The following MACROD2 variants were observed in gnomAD, a reference collection of about 807,000 sequenced individuals.
The protein encoded by MACROD2 is ADP-ribose glycohydrolase MACROD2.
Under a neutral mutation model 70.4 loss-of-function variants are expected in MACROD2, and 36 were observed. The observed-to-expected ratio is 0.51, with a 90% CI of 0.39 to 0.68. MACROD2 has a LOEUF of 0.68. MACROD2 is among the 30% of genes least tolerant of loss of function. MACROD2 has a pLI of 0.00. For missense variants in MACROD2, 496 were observed against 538.4 expected, an observed-to-expected ratio of 0.92 and a Z score of 0.78; for synonymous variants, 172 against 178.8, an observed-to-expected ratio of 0.96 and a Z score of 0.30.
chr20:15,933,605 C>T (rs1288157228), intron 11 of MACROD2, among the ~76,000 whole-genome samples: 4 of 152,000 alleles, frequency 2.6e-5, no homozygotes, highest in Non-Finnish European at 4.4e-5. Context: ...GAGGGACGGG[C>T]GGAGGTTGAA....
intron 8 of MACROD2, among the ~76,000 whole-genome samples, chr20:15,610,593 T>C (rs1471845188): frequency 1.3e-5 from 2 of 152,168 alleles, no homozygotes; most frequent in Middle Eastern, 3.2e-3. Flanking sequence ...CATAATAACA[T>C]CTGCAAAGGC....
intron 7 of MACROD2, among the ~76,000 whole-genome samples, chr20:15,499,121 T>C (rs2047333920): frequency 2.0e-5 from 3 of 152,226 alleles, no homozygotes; most frequent in Admixed American, 2.0e-4. Flanking sequence ...TGAATGTGTT[T>C]TGGAGACTCT....
In MACROD2 at chr20:15,728,495, C is replaced by T. The variant is rs142982877; in HGVS notation, c.646-134250C>T. Reference sequence around the variant, plus strand: ...AATGGTACAAGCTCTTCTTTATACACTTGGTAGAATTGTCTGTGAATTTGT... The same window carrying T: ...AATGGTACAAGCTCTTCTTTATACATTTGGTAGAATTGTCTGTGAATTTGT... On this transcript the variant is annotated intron_variant, in intron 8 of 17. Transcript: ENST00000684519. Among the ~76,000 whole-genome samples the T allele has an allele frequency of 7.0e-4, 106 of 152,194 alleles. 1 individual carries two copies. In the East Asian group the frequency reaches 0.02, roughly 28 times the overall value.
chr20:14,711,268 T>C (rs968405441), intron 5 of MACROD2, among the ~76,000 whole-genome samples: 1 of 152,170 alleles, frequency 6.6e-6, no homozygotes, highest in Non-Finnish European at 1.5e-5. Context: ...AGAATCCTTT[T>C]GAAGTCAATT....
At chr20:14,719,717 A>C (rs540909261) in intron 5 of MACROD2, among the ~76,000 whole-genome samples, 1 of 152,206 alleles carries the variant, frequency 6.6e-6, no homozygotes, top group Admixed American at 6.5e-5. Context: ...TGTCTAAGAA[A>C]GCAAGATCTG....
chr20:14,867,134 C>G (rs570344644), intron 5 of MACROD2, among the ~76,000 whole-genome samples: 5 of 152,164 alleles, frequency 3.3e-5, no homozygotes, highest in African/African-American at 1.2e-4. Flanking sequence ...AAGCCCCATT[C>G]TACTTCTAAG....
At chr20:14,269,702 C>CT in intron 3 of MACROD2, among the ~76,000 whole-genome samples, 1 of 151,986 alleles carries the variant, frequency 6.6e-6, no homozygotes, top group Non-Finnish European at 1.5e-5. Flanking sequence ...GCATGGTTTA[C>CT]TGGATAAAAT....
At chr20:14,781,428 A>C (rs1398067367) in intron 5 of MACROD2, among the ~76,000 whole-genome samples, 3 of 148,276 alleles carry the variant, frequency 2.0e-5, no homozygotes, top group Non-Finnish European at 4.5e-5. Context: ...CCTGATGTTT[A>C]CTCTCATGTC....
chr20:15,443,746 T>C (rs2046526088), intron 7 of MACROD2, among the ~76,000 whole-genome samples: 1 of 152,138 alleles, frequency 6.6e-6, no homozygotes, highest in African/African-American at 2.4e-5. Flanking sequence ...AAATATCTGT[T>C]TCATGGCTAA....
intron 6 of MACROD2, among the ~76,000 whole-genome samples, chr20:15,350,138 G>C (rs923879964): frequency 1.3e-5 from 2 of 152,214 alleles, no homozygotes; most frequent in African/African-American, 4.8e-5. Context: ...AGAGAAGAGA[G>C]AGAGTGAATA....
chr20:15,269,038 A>G (rs1600174069), intron 6 of MACROD2, among the ~76,000 whole-genome samples: 1 of 152,222 alleles, frequency 6.6e-6, no homozygotes, highest in South Asian at 2.1e-4. Context: ...TAGCTGGCAC[A>G]ATTTTCAGCA....
chr20:15,639,803 T>G, intron 8 of MACROD2, among the ~76,000 whole-genome samples: 1 of 147,454 alleles, frequency 6.8e-6, no homozygotes, highest in South Asian at 2.1e-4. Context: ...GAAAAGAGAG[T>G]GGGGGGAAAG....
intron 5 of MACROD2, among the ~76,000 whole-genome samples, chr20:15,156,489 G>A (rs1204613764): frequency 2.6e-5 from 4 of 152,116 alleles, no homozygotes; most frequent in South Asian, 2.1e-4. Flanking sequence ...CTTATAATAG[G>A]TATCATGTAT....
intron 4 of MACROD2, among the ~76,000 whole-genome samples, chr20:14,506,001 C>G (rs145958155): frequency 4.1e-4 from 63 of 152,296 alleles, no homozygotes; most frequent in Non-Finnish European, 7.6e-4. Context: ...CTTGCTCCCA[C>G]CCTCTCCATT....
rs550413783 is a variant in MACROD2 at position 15,014,313 on chromosome 20, C to T, written c.419-215627C>T. Among the ~76,000 whole-genome samples, 4 of 152,246 alleles carry T rather than the reference C, an allele frequency of 2.6e-5. No homozygotes were observed. The South Asian group carries it at 8.3e-4, about 32-fold the overall frequency. ...AAATGTAGAGTACGGCGAGAAGTCTCAGGAAATTAAAATATTGCCTTTAAA... is the reference window on the plus strand; with the variant it reads ...AAATGTAGAGTACGGCGAGAAGTCTTAGGAAATTAAAATATTGCCTTTAAA... On this transcript the variant is annotated intron_variant, in intron 5 of 17. Coordinates refer to ENST00000684519, the MANE Select transcript of MACROD2 (RefSeq NM_001351661.2).
chr20:15,663,794 C>T (rs2049857649), intron 8 of MACROD2, among the ~76,000 whole-genome samples: 1 of 152,110 alleles, frequency 6.6e-6, no homozygotes, highest in South Asian at 2.1e-4. Flanking sequence ...CATTTTCTCC[C>T]CTCTGAATGC....
intron 8 of MACROD2, among the ~76,000 whole-genome samples, chr20:15,585,624 C>G (rs1192465331): frequency 1.3e-5 from 2 of 152,180 alleles, no homozygotes; most frequent in Admixed American, 6.5e-5. Flanking sequence ...CTCTCTCCCC[C>G]AGGGATGGGA....
chr20:15,178,707 C>T (rs1292439503), intron 5 of MACROD2, among the ~76,000 whole-genome samples: 2 of 152,202 alleles, frequency 1.3e-5, no homozygotes, highest in African/African-American at 4.8e-5. Flanking sequence ...AGCTGAGGGG[C>T]AGGTTCAGAA....
chr20:14,953,738 A>G (rs1377264109), intron 5 of MACROD2, among the ~76,000 whole-genome samples: 6 of 152,366 alleles, frequency 3.9e-5, no homozygotes, highest in Non-Finnish European at 8.8e-5. Context: ...TCTGAGGCCA[A>G]CATCCCCTTT....
Sources: allele counts gnomAD v4.1 joint callset (sites outside exome capture counted in the v4.1 genomes callset), GRCh38; gene constraint gnomAD v4.1.1; transcripts MANE v1.5; gene names NCBI Gene and HGNC (gene_info 2026-07-23, HGNC 2026-07-21).